The following WNT7B variants were observed in gnomAD, a reference collection of about 807,000 sequenced individuals.
WNT7B encodes the protein protein Wnt-7b.
Under a neutral mutation model 38.2 loss-of-function variants are expected in WNT7B, and 19 were observed. That is an observed-to-expected ratio of 0.50 (90% CI 0.35 to 0.73). The LOEUF is 0.73. WNT7B is among the 30% of genes least tolerant of loss of function. The pLI is 0.01. For synonymous variants in WNT7B, 243 were observed against 209.3 expected (o/e 1.16, Z -1.39); for missense variants, 423 against 507.9 (o/e 0.83, Z 1.61).
At chr22:45,970,906 G>C (rs866407532) in intron 1 of WNT7B, among the ~76,000 whole-genome samples, 2 of 152,240 alleles carry the variant, frequency 1.3e-5, no homozygotes. Flanking sequence ...CTCCGCAGCC[G>C]GGGCTGCCCG....
intron 3 of WNT7B, among the ~76,000 whole-genome samples, chr22:45,929,798 AACCATC>A (rs1931259020): frequency 3.4e-5 from 5 of 148,842 alleles, no homozygotes; most frequent in East Asian, 2.0e-4. Context: ...CGATCCACTC[AACCATC>A]TACCCATCCA....
intron 2 of WNT7B, among the ~76,000 whole-genome samples, chr22:45,943,381 A>T (rs769767521): frequency 7.2e-5 from 11 of 152,256 alleles, no homozygotes; most frequent in Non-Finnish European, 1.5e-4. Context: ...GACCCAGCGG[A>T]GGCCCTCACA....
intron 2 of WNT7B, among the ~76,000 whole-genome samples, chr22:45,935,577 G>C (rs1931494455): frequency 1.3e-5 from 2 of 152,186 alleles, no homozygotes; most frequent in South Asian, 4.1e-4. Context: ...GCCCTCTGTA[G>C]TGGGCACACC....
At chr22:45,956,452 T>C (rs1340149229) in intron 1 of WNT7B, among the ~76,000 whole-genome samples, 1 of 152,166 alleles carries the variant, frequency 6.6e-6, no homozygotes, top group Admixed American at 6.5e-5. Flanking sequence ...GCTTCATCTA[T>C]GGGGCCCCAA....
Position 45,976,495 on chromosome 22 carries a change from C to T in WNT7B, c.71+189G>A, listed in dbSNP as rs1215203628. 6.6e-6 allele frequency among the ~76,000 whole-genome samples: 1 copy of T among 151,840 alleles called. No homozygotes were observed. Among genetic ancestry groups the T allele is most frequent in the Non-Finnish European group, 1.5e-5 (1 of 67,908 alleles). Reference sequence around the variant, plus strand: ...CTCCCGCGCTGGGCTCGGCGCCTCTCGGGAGCTCAGGGGGTTGGGCTGCGT... The same window carrying T: ...CTCCCGCGCTGGGCTCGGCGCCTCTTGGGAGCTCAGGGGGTTGGGCTGCGT... On this transcript the variant is annotated intron_variant, in intron 1 of 3. Transcript: ENST00000339464. The surrounding 1 kb of genome is among the most constrained non-coding windows in gnomAD (Gnocchi z 8.5).
In WNT7B at chr22:45,976,003, C is replaced by G. The variant is rs1047426345; in HGVS notation, c.71+681G>C. ...CAGCTAGCGCGGCTCGCCGGGCGCC[C>G]GCCCGCCGGGCCGCGCCAGGGGGAG... On this transcript the variant is annotated intron_variant, in intron 1 of 3. Coordinates refer to ENST00000339464, the MANE Select transcript of WNT7B (RefSeq NM_058238.3). This position sits in a 1 kb window ranked among gnomAD's most constrained non-coding sequence, Gnocchi z 8.5. 1 of 146,960 alleles carries G rather than the reference C, an allele frequency of 6.8e-6. No individual in the cohort carries two copies. The highest frequency in any genetic ancestry group is 6.7e-5 in the Admixed American group (1 of 14,846). 9.1% of individuals were successfully genotyped at this position (146,960 alleles called of 1,614,324 possible).
At chr22:45,963,190 C>A (rs1292321726) in intron 1 of WNT7B, among the ~76,000 whole-genome samples, 2 of 152,234 alleles carry the variant, frequency 1.3e-5, no homozygotes, top group African/African-American at 4.8e-5. Flanking sequence ...CAGCCCCACA[C>A]AGGTCATCTG....
intron 1 of WNT7B, among the ~76,000 whole-genome samples, chr22:45,968,006 T>C (rs1932350525): frequency 6.6e-6 from 1 of 152,064 alleles, no homozygotes; most frequent in African/African-American, 2.4e-5. Context: ...ACCCCTGGGA[T>C]CCAAGGTGAC....
At chr22:45,971,771 G>A (rs1932446069) in intron 1 of WNT7B, among the ~76,000 whole-genome samples, 1 of 152,174 alleles carries the variant, frequency 6.6e-6, no homozygotes, top group Non-Finnish European at 1.5e-5. Flanking sequence ...ATTGCGCGCC[G>A]CGTGGGTTAA....
intron 1 of WNT7B, among the ~76,000 whole-genome samples, chr22:45,956,072 A>T (rs964752935): frequency 6.6e-6 from 1 of 152,196 alleles, no homozygotes; most frequent in Non-Finnish European, 1.5e-5. Context: ...AACCACTGCC[A>T]GGTGACAGAC....
intron 1 of WNT7B, among the ~76,000 whole-genome samples, chr22:45,956,517 A>C (rs1932065685): frequency 6.6e-6 from 1 of 152,090 alleles, no homozygotes; most frequent in Non-Finnish European, 1.5e-5. Context: ...CACTGCACCC[A>C]CCACCGATGG....
chr22:45,957,700 A>AC (rs1932102408), intron 1 of WNT7B, among the ~76,000 whole-genome samples: 1 of 149,992 alleles, frequency 6.7e-6, no homozygotes, highest in African/African-American at 2.4e-5. Flanking sequence ...AAAAAAAAAA[A>AC]AAAAAAAAAA....
At chr22:45,967,090 G>C (rs568373991) in intron 1 of WNT7B, among the ~76,000 whole-genome samples, 2 of 152,210 alleles carry the variant, frequency 1.3e-5, no homozygotes. Context: ...ACAAGGAAGG[G>C]GGGAGGGAGC....
At chr22:45,953,899 C>A (rs1931998235) in intron 1 of WNT7B, among the ~76,000 whole-genome samples, 1 of 152,154 alleles carries the variant, frequency 6.6e-6, no homozygotes, top group South Asian at 2.1e-4. Flanking sequence ...AGGGATTCCA[C>A]CCCTTGGCAT....
In WNT7B at chr22:45,960,402, G is replaced by A. The variant is rs532121713; in HGVS notation, c.72-10256C>T. ...CTGTGTCAGCGGCAGACTCCCCAGGGCAGGGGTCCCCAGAATTGCCCAGCA... is the reference window on the plus strand; with the variant it reads ...CTGTGTCAGCGGCAGACTCCCCAGGACAGGGGTCCCCAGAATTGCCCAGCA... On this transcript the variant is annotated intron_variant, in intron 1 of 3. Transcript: ENST00000339464. 3.3e-5 allele frequency among the ~76,000 whole-genome samples: 5 copies of A among 152,280 alleles called. No homozygotes were observed. In the East Asian group the frequency reaches 9.7e-4, roughly 29 times the overall value.
chr22:45,974,018 G>A (rs1411206788), intron 1 of WNT7B, among the ~76,000 whole-genome samples: 1 of 152,200 alleles, frequency 6.6e-6, no homozygotes, highest in Non-Finnish European at 1.5e-5. Context: ...CTGGGATGCA[G>A]ATGCCCTGGA....
chr22:45,925,586 C>T (rs1011187430), intron 3 of WNT7B: 3 of 985,252 alleles, frequency 3.0e-6, no homozygotes, highest in Non-Finnish European at 3.6e-6. Context: ...GTCCCTCTCC[C>T]ATCCTGTCCA....
Position 45,922,749 on chromosome 22 carries a change from A to G in WNT7B, c.*107T>C. On this transcript the variant is annotated 3_prime_UTR_variant, in exon 4 of 4. Coordinates refer to ENST00000339464, the MANE Select transcript of WNT7B (RefSeq NM_058238.3). ...TGCACCTGGAGCTCCCCGCTTCTGC[A>G]CCCGTCTATGTCTGCTGCTGGCAGC... The G allele has an allele frequency of 6.7e-7, 1 of 1,497,574 alleles. No individual in the cohort carries two copies. Among genetic ancestry groups the G allele is most frequent in the Non-Finnish European group, 8.9e-7 (1 of 1,123,796 alleles). The allele number at this position is 1,497,574 out of a possible 1,614,324, so 92.8% of individuals were successfully genotyped here.
intron 1 of WNT7B, among the ~76,000 whole-genome samples, chr22:45,956,178 C>T (rs1189216408): frequency 3.3e-5 from 5 of 152,182 alleles, no homozygotes; most frequent in African/African-American, 7.2e-5. Context: ...TCTGCAAATT[C>T]CTAGCTGTGA....
Sources: gnomAD v4.1 joint callset for allele counts (sites outside exome capture counted in the v4.1 genomes callset) on GRCh38, gnomAD v4.1.1 for gene constraint, Gnocchi (gnomAD v3.1) non-coding constraint, MANE v1.5 for transcripts, NCBI Gene and HGNC (gene_info 2026-07-23, HGNC 2026-07-21) for gene names.